The following ITPRIPL1 variants were observed in gnomAD, a reference collection of about 807,000 sequenced individuals.
ITPRIPL1 encodes inositol 1,4,5-trisphosphate receptor-interacting protein-like 1.
A neutral mutation model predicts 40.0 loss-of-function variants in ITPRIPL1; 28 were observed. That is an observed-to-expected ratio of 0.70 (90% CI 0.52 to 0.96). ITPRIPL1 has a LOEUF of 0.96. ITPRIPL1 is among the 40% of genes least tolerant of loss of function. The probability of loss-of-function intolerance (pLI) is 0.00; values close to 1 mark genes in which losing one functional copy is unlikely to be tolerated. For synonymous variants in ITPRIPL1, 251 were observed against 275.7 expected (o/e 0.91, Z 0.89); for missense variants, 638 against 698.0 (o/e 0.91, Z 0.97).
At position 96,326,853 on chromosome 2, in the gene ITPRIPL1, C is replaced by A. The variant is rs2064112970; in HGVS notation, c.222C>A (p.Asn74Lys). ...RAAEQRQKAE[N>K]FWTGDTSSDQ... is the part of the protein sequence containing the mutation. ...CTGAGCAGAGGCAGAAGGCAGAGAA[C>A]TTCTGGACAGGAGACACATCCAGTG... Residue 74 changes from asparagine to lysine, a missense_variant, in exon 3 of 3, where the codon AAC becomes AAA. Physicochemically the swap from Asn to Lys is moderately conservative, Grantham distance 94. Coordinates refer to ENST00000439118, the MANE Select transcript of ITPRIPL1 (RefSeq NM_001008949.3). 2 of 1,614,090 alleles carry A rather than the reference C, an allele frequency of 1.2e-6. No individual in the cohort carries two copies. Among genetic ancestry groups the A allele is most frequent in the Admixed American group, 1.7e-5 (1 of 60,016 alleles).
Position 96,327,979 on chromosome 2 carries a change from A to G in ITPRIPL1, c.1348A>G (p.Lys450Glu), listed in dbSNP as rs1210509169. 6.2e-7 allele frequency: 1 copy of G among 1,614,006 alleles called. No homozygotes were observed. The highest frequency in any genetic ancestry group is 2.2e-5 in the East Asian group (1 of 44,868). The change falls in exon 3 of 3, where the codon AAA (lysine) becomes GAA (glutamate). Residue 450 changes from lysine to glutamate, a missense_variant. Lys to Glu is a moderately conservative substitution (Grantham distance 56). Coordinates refer to ENST00000439118, the MANE Select transcript of ITPRIPL1 (RefSeq NM_001008949.3). ...SRPILTSYHFKTALMHLLLRL... is the reference protein window; with the variant it reads ...SRPILTSYHFETALMHLLLRL... ...CCCCATCCTCACTTCTTACCATTTTAAAACAGCTCTCATGCACCTCTTGCT... is the reference window on the plus strand; with the variant it reads ...CCCCATCCTCACTTCTTACCATTTTGAAACAGCTCTCATGCACCTCTTGCT...
chr2:96,328,636 G>A (rs540388821), downstream of ITPRIPL1: 3 of 218,910 alleles, frequency 1.4e-5, no homozygotes, highest in African/African-American at 2.3e-5. Flanking sequence ...ATCAACACTC[G>A]AAGTGAGAGA....
In ITPRIPL1 at chr2:96,327,504, C is replaced by T; in HGVS notation, c.873C>T (p.Asp291=). The T allele has an allele frequency of 6.2e-7, 1 of 1,614,030 alleles. No homozygotes were observed. The change falls in exon 3 of 3, where the codon GAC becomes GAT. Residue 291 remains aspartate (D), a synonymous_variant. Coordinates refer to ENST00000439118, the MANE Select transcript of ITPRIPL1 (RefSeq NM_001008949.3). ...TGTGCCTGGTGCACCACCACAGGGA[C>T]CCCTCGGCAGTCTTGGGGAAGTGTA... The part of the protein sequence containing the change: ...DVLCLVHHHR[D]PSAVLGKCSS...
In ITPRIPL1 at chr2:96,327,290, G is replaced by A. The variant is rs1384659759; in HGVS notation, c.659G>A (p.Gly220Glu). 1.9e-6 allele frequency: 3 copies of A among 1,614,032 alleles called. No homozygotes were observed. The highest frequency in any genetic ancestry group is 2.5e-6 in the Non-Finnish European group (3 of 1,180,048). ...HPQLEDCLGIGAAFEKWGTLH... is the reference protein window; with the variant it reads ...HPQLEDCLGIEAAFEKWGTLH... ...CAATTGGAAGACTGCCTGGGCATCG[G>A]GGCTGCCTTTGAGAAATGGGGAACC... Residue 220 changes from glycine to glutamate, a missense_variant, in exon 3 of 3, where the codon GGG becomes GAG. By Grantham distance (98) the Gly-to-Glu change is moderately conservative. Coordinates refer to ENST00000439118, the MANE Select transcript of ITPRIPL1 (RefSeq NM_001008949.3).
chr2:96,327,870 C>T lies in ITPRIPL1; in HGVS notation c.1239C>T (p.Ala413=). Residue 413 remains alanine (A), a synonymous_variant, in exon 3 of 3, where the codon GCC becomes GCT. Transcript: ENST00000439118. ...HLFLKLVGRF[A]PENTCHLKCL... ...TCCTGAAGCTGGTGGGGCGCTTTGC[C>T]CCCGAGAACACCTGTCACCTCAAGT... The T allele has an allele frequency of 6.2e-7, 1 of 1,614,050 alleles. No individual in the cohort carries two copies. The highest frequency in any genetic ancestry group is 8.5e-7 in the Non-Finnish European group (1 of 1,180,014).
intron 2 of ITPRIPL1, 40 bp downstream of exon 2, chr2:96,325,889 G>T: frequency 1.2e-6 from 2 of 1,611,236 alleles, no homozygotes; most frequent in Non-Finnish European, 8.5e-7. Flanking sequence ...AGTGGCAGAA[G>T]CTCGGGCTTC....
In ITPRIPL1 at chr2:96,326,788, C is replaced by A. The variant is rs150763324; in HGVS notation, c.157C>A (p.Arg53Ser). Reference protein sequence around the residue: ...QLEKRMSEEMRLLEMEFEERK... With the variant: ...QLEKRMSEEMSLLEMEFEERK... ...GGAGAAGCGAATGAGTGAGGAGATG[C>A]GCCTGCTAGAGATGGAGTTTGAAGA... The change falls in exon 3 of 3, where the codon CGC (arginine) becomes AGC (serine). Residue 53 changes from arginine to serine, a missense_variant. Physicochemically the swap from Arg to Ser is moderately radical, Grantham distance 110. Coordinates refer to ENST00000439118, the MANE Select transcript of ITPRIPL1 (RefSeq NM_001008949.3). 9.9e-6 allele frequency: 16 copies of A among 1,614,066 alleles called. No individual in the cohort carries two copies. Among genetic ancestry groups the A allele is most frequent in the African/African-American group, 1.3e-5 (1 of 74,922 alleles).
In ITPRIPL1 at chr2:96,326,773, ATGAG is replaced by A. The variant is rs1198401437; in HGVS notation, c.147_150del (p.Ser49ArgfsTer6). ...CAGGAGTCGGCAGCTGGAGAAGCGAATGAGTGAGGAGATGCGCCTGCTAGAGATG... is the reference window on the plus strand; with the variant it reads ...CAGGAGTCGGCAGCTGGAGAAGCGAATGAGGAGATGCGCCTGCTAGAGATG... On this transcript the variant is annotated frameshift_variant, in exon 3 of 3. Transcript: ENST00000439118. LOFTEE classifies it high-confidence loss of function. 6.2e-6 allele frequency: 10 copies of A among 1,614,200 alleles called. No homozygotes were observed. Among genetic ancestry groups the A allele is most frequent in the Middle Eastern group, 1.6e-4 (1 of 6,062 alleles).
Position 96,327,038 on chromosome 2 carries a change from C to T in ITPRIPL1, c.407C>T (p.Ala136Val). 1 of 1,614,224 alleles carries T rather than the reference C, an allele frequency of 6.2e-7. No individual in the cohort carries two copies. The highest frequency in any genetic ancestry group is 8.5e-7 in the Non-Finnish European group (1 of 1,180,042). Reference protein sequence around the residue: ...LLRQNMQHEPAFDSSSEEEEE... With the variant: ...LLRQNMQHEPVFDSSSEEEEE... ...CGACAGAACATGCAGCATGAACCGG[C>T]CTTTGATTCCAGCAGTGAGGAGGAG... The change falls in exon 3 of 3, where the codon GCC becomes GTC. Residue 136 changes from alanine to valine, a missense_variant. Transcript: ENST00000439118.
In ITPRIPL1 at chr2:96,327,910, T is replaced by G. The variant is rs756756215; in HGVS notation, c.1279T>G (p.Leu427Val). The G allele has an allele frequency of 6.2e-7, 1 of 1,613,878 alleles. No homozygotes were observed. Among genetic ancestry groups the G allele is most frequent in the Admixed American group, 1.7e-5 (1 of 59,984 alleles). ...TCHLKCLQII[L>V]SLRQHQSLPH... ...TCACCTCAAGTGCCTCCAGATCATT[T>G]TAAGTCTCCGGCAGCATCAGAGCTT... is the stretch of plus-strand genomic sequence containing the variant. Residue 427 changes from leucine to valine, a missense_variant, in exon 3 of 3, where the codon TTA becomes GTA. Leu to Val is a conservative substitution (Grantham distance 32). Transcript: ENST00000439118.
At chr2:96,328,875 C>T (rs373119800), downstream of ITPRIPL1, 1 of 152,700 alleles carries the variant, frequency 6.5e-6, no homozygotes, top group East Asian at 1.9e-4. Flanking sequence ...TGGCTCACGC[C>T]TGTTAATCCC....
chr2:96,328,552 A>C (rs1045191060), downstream of ITPRIPL1: 4 of 410,322 alleles, frequency 9.7e-6, no homozygotes, highest in African/African-American at 8.1e-5. Context: ...AGGTCCAGGG[A>C]AACGGATGTT....
At chr2:96,329,092 C>T (rs1225474264), downstream of ITPRIPL1, 1 of 146,104 alleles carries the variant, frequency 6.8e-6, no homozygotes, top group East Asian at 2.0e-4. Flanking sequence ...GCCGAGATCG[C>T]ACCACTACAC....
In ITPRIPL1 at chr2:96,325,759, G is replaced by C; in HGVS notation, c.-81G>C. On this transcript the variant is annotated 5_prime_UTR_variant, in exon 2 of 3. Coordinates refer to ENST00000439118, the MANE Select transcript of ITPRIPL1 (RefSeq NM_001008949.3). ...TACATTTTAACAGGGCTCCTAGAGA[G>C]GGCGGGGAGACGAAGCAAGGCCAAG... is the stretch of plus-strand genomic sequence containing the variant. 2.1e-6 allele frequency: 3 copies of C among 1,442,348 alleles called. No homozygotes were observed. Among genetic ancestry groups the C allele is most frequent in the South Asian group, 2.3e-5 (2 of 87,570 alleles). 89.3% of individuals were successfully genotyped at this position (1,442,348 alleles called of 1,614,324 possible). A position where few individuals can be genotyped will look rare whatever the true frequency, so the allele number is the denominator to read the frequency against.
In ITPRIPL1 at chr2:96,326,910, G is replaced by A. The variant is rs773757989; in HGVS notation, c.279G>A (p.Gly93=). ...TAGTGCTGGGGAAGAAAGACATGGG[G>A]TGGCCGTTCCAGGCCGATGGCCAGG... ...DQLVLGKKDM[G]WPFQADGQEG... The change falls in exon 3 of 3, where the codon GGG becomes GGA. Residue 93 remains glycine, a synonymous_variant. Transcript: ENST00000439118. The A allele has an allele frequency of 6.2e-7, 1 of 1,614,262 alleles. No individual in the cohort carries two copies. Among genetic ancestry groups the A allele is most frequent in the Non-Finnish European group, 8.5e-7 (1 of 1,180,050 alleles).
intron 2 of ITPRIPL1, 136 bp downstream of exon 2, chr2:96,325,985 A>T: frequency 8.6e-7 from 1 of 1,166,122 alleles, no homozygotes; most frequent in Non-Finnish European, 1.3e-6. Flanking sequence ...AGTTTTCTGA[A>T]CTAAGAAGTG....
Position 96,327,192 on chromosome 2 carries a change from TGAGTTTGTGGA to T in ITPRIPL1, c.568_578del (p.Val190CysfsTer3). The T allele has an allele frequency of 6.2e-7, 1 of 1,614,008 alleles. No homozygotes were observed. Among genetic ancestry groups the T allele is most frequent in the Non-Finnish European group, 8.5e-7 (1 of 1,179,972 alleles). ...CCATCCGTGACCTGCCCTGCACCTGTGAGTTTGTGGAGAGTTTTGTGGATGATCTCATTGAG... is the reference window on the plus strand; with the variant it reads ...CCATCCGTGACCTGCCCTGCACCTGTGAGTTTTGTGGATGATCTCATTGAG... On this transcript the variant is annotated frameshift_variant, in exon 3 of 3. Coordinates refer to ENST00000439118, the MANE Select transcript of ITPRIPL1 (RefSeq NM_001008949.3). LOFTEE classifies it high-confidence loss of function.
chr2:96,325,708 T>C (rs929256940), intron 1 of ITPRIPL1, 39 bp from the exon 2 acceptor site: 1 of 897,660 alleles, frequency 1.1e-6, no homozygotes, highest in Non-Finnish European at 1.8e-6. Flanking sequence ...GGGTTCCGAT[T>C]TGAGCCAAAG....
intron 2 of ITPRIPL1, chr2:96,326,320 C>A: frequency 6.8e-7 from 1 of 1,469,800 alleles, no homozygotes. Context: ...TGAGGCCACC[C>A]TACCACAAGG....
Sources: gnomAD v4.1 joint callset for allele counts on GRCh38, gnomAD v4.1.1 for gene constraint, MANE v1.5 for transcripts, NCBI Gene and HGNC (gene_info 2026-07-23, HGNC 2026-07-21) for gene names.